PCDH11X: variants seen among roughly 807,000 people sequenced by gnomAD.
The protein encoded by PCDH11X is protocadherin 11 X-linked.
PCDH11X carries 18 observed loss-of-function variants against 53.3 expected under a neutral mutation model. The observed-to-expected ratio is 0.34, with a 90% CI of 0.23 to 0.50. The LOEUF is 0.50. Ranked by LOEUF, PCDH11X falls within the 20% of genes least tolerant of loss-of-function variation. The pLI is 0.98. For synonymous variants in PCDH11X, 279 were observed against 393.3 expected, an observed-to-expected ratio of 0.71 and a Z score of 3.44; for missense variants, 570 against 1,032.4, an observed-to-expected ratio of 0.55 and a Z score of 6.14.
chrX:92,488,498 A>C (rs1424078220), intron 10 of PCDH11X, among the ~76,000 whole-genome samples: 1 of 111,208 alleles, frequency 9.0e-6, no homozygotes, highest in Non-Finnish European at 1.9e-5. Context: ...AATATATACA[A>C]GACCTGGACA....
At chrX:92,245,564 A>C (rs2067333969) in intron 7 of PCDH11X, among the ~76,000 whole-genome samples, 1 of 112,373 alleles carries the variant, frequency 8.9e-6, no homozygotes, top group African/African-American at 3.2e-5. Context: ...CTATTCTGGC[A>C]ATCTCTGTAT....
chrX:92,191,550 A>G (rs942980101), intron 6 of PCDH11X, among the ~76,000 whole-genome samples: 7 of 112,128 alleles, frequency 6.2e-5, no homozygotes, highest in Non-Finnish European at 1.3e-4. Flanking sequence ...AAATTTACCA[A>G]TGGCTTAGTC....
At chrX:92,198,586 G>A (rs1351026051) in intron 6 of PCDH11X, among the ~76,000 whole-genome samples, 3 of 110,193 alleles carry the variant, frequency 2.7e-5, no homozygotes, top group Admixed American at 9.8e-5. Context: ...AAGAAGAACC[G>A]GCCAGATTTA....
At chrX:92,046,550 T>C (rs2063291730) in intron 6 of PCDH11X, among the ~76,000 whole-genome samples, 1 of 110,468 alleles carries the variant, frequency 9.1e-6, no homozygotes, top group Admixed American at 9.6e-5. Context: ...TACATTGATA[T>C]TGGCACTGTT....
At chrX:92,133,432 C>A (rs1056818710) in intron 6 of PCDH11X, among the ~76,000 whole-genome samples, 9 of 111,394 alleles carry the variant, frequency 8.1e-5, no homozygotes, top group African/African-American at 2.6e-4. Flanking sequence ...AATGGGACAA[C>A]CTCAGCTCAC....
chrX:92,226,076 T>G (rs1210880188), intron 7 of PCDH11X, among the ~76,000 whole-genome samples: 4 of 111,606 alleles, frequency 3.6e-5, no homozygotes, highest in Admixed American at 1.9e-4. Context: ...CACACACAAT[T>G]TGTACCCTTA....
chrX:92,579,223 T>C (rs148753779), intron 10 of PCDH11X, among the ~76,000 whole-genome samples: 5,416 of 107,157 alleles, frequency 0.051, 135 homozygotes, highest in South Asian at 0.16. Context: ...ATTATGTGTC[T>C]TGGGTTTGAT....
intron 10 of PCDH11X, among the ~76,000 whole-genome samples, chrX:92,523,241 T>C (rs2074396446): frequency 9.0e-6 from 1 of 111,594 alleles, no homozygotes; most frequent in Admixed American, 9.5e-5. Flanking sequence ...TTTGGATGAG[T>C]CACCTTTTTT....
chrX:92,148,561 G>T (rs2065371587), intron 6 of PCDH11X, among the ~76,000 whole-genome samples: 2 of 107,915 alleles, frequency 1.9e-5, no homozygotes, highest in Admixed American at 2.0e-4. Flanking sequence ...TAGCACCTAT[G>T]ATAGAACACA....
intron 6 of PCDH11X, among the ~76,000 whole-genome samples, chrX:91,992,009 G>T (rs374645291): frequency 2.8e-5 from 3 of 107,887 alleles, no homozygotes; most frequent in African/African-American, 1.0e-4. Context: ...GCTTTTTTGC[G>T]TATTGTATAA....
chrX:91,925,341 C>G (rs1941908964), intron 6 of PCDH11X, among the ~76,000 whole-genome samples: 1 of 110,654 alleles, frequency 9.0e-6, no homozygotes, highest in Non-Finnish European at 1.9e-5. Flanking sequence ...TATGGGTACT[C>G]AAAGTACGGT....
intron 6 of PCDH11X, among the ~76,000 whole-genome samples, chrX:91,948,302 T>C (rs2061599856): frequency 9.0e-6 from 1 of 111,286 alleles, no homozygotes; most frequent in South Asian, 3.8e-4. Context: ...AATCTGTGTT[T>C]AAATAATAGT....
chrX:92,277,205 G>C (rs1222527272), intron 8 of PCDH11X, among the ~76,000 whole-genome samples: 1 of 110,070 alleles, frequency 9.1e-6, no homozygotes, highest in Non-Finnish European at 1.9e-5. Context: ...AGATTTGGGA[G>C]GAGTTGCACT....
intron 7 of PCDH11X, among the ~76,000 whole-genome samples, chrX:92,209,875 C>T (rs182160141): frequency 1.4e-4 from 16 of 112,522 alleles, no homozygotes; most frequent in Non-Finnish European, 2.6e-4. Flanking sequence ...CACCTCTTGC[C>T]CTCTGTGTAA....
chrX:92,154,348 A>T (rs182457139), intron 6 of PCDH11X, among the ~76,000 whole-genome samples: 2 of 110,404 alleles, frequency 1.8e-5, no homozygotes, highest in East Asian at 5.6e-4. Flanking sequence ...ATGACACATG[A>T]GTTAAATTCT....
intron 1 of PCDH11X, among the ~76,000 whole-genome samples, chrX:91,807,344 T>G (rs923313359): frequency 1.8e-5 from 2 of 110,195 alleles, no homozygotes; most frequent in Non-Finnish European, 3.8e-5. Flanking sequence ...AAACCGTGTC[T>G]CTAAAAAAAT....
rs1205049160 is a variant in PCDH11X, at chrX:92,263,160, C to T, written c.3144+17C>T. 8.6e-7 allele frequency: 1 copy of T among 1,163,954 alleles called. No individual in the cohort carries two copies. The highest frequency in any genetic ancestry group is 3.1e-5 in the East Asian group (1 of 32,536). On this transcript the variant is annotated intron_variant, in intron 8 of 10. Transcript: ENST00000682573. ...GCAGGAAAGGTAAGACTGCAAATTT[C>T]AAAGAAAATTGATTTTGAAATGTTG...
At chrX:91,852,141 G>C (rs1938065913) in intron 5 of PCDH11X, among the ~76,000 whole-genome samples, 2 of 102,476 alleles carry the variant, frequency 2.0e-5, no homozygotes, top group Admixed American at 2.2e-4. Context: ...AGCCTCCTGA[G>C]TAGCTGGGCT....
chrX:92,497,524 C>G (rs2073880963), intron 10 of PCDH11X, among the ~76,000 whole-genome samples: 1 of 109,555 alleles, frequency 9.1e-6, no homozygotes, highest in Non-Finnish European at 1.9e-5. Context: ...TTGGCACATG[C>G]AATCAATGTT....
Sources: allele counts gnomAD v4.1 joint callset (sites outside exome capture counted in the v4.1 genomes callset), GRCh38; gene constraint gnomAD v4.1.1; transcripts MANE v1.5; gene names NCBI Gene and HGNC (gene_info 2026-07-23, HGNC 2026-07-21).